The following ULK4 variants were observed in gnomAD, a reference collection of about 807,000 sequenced individuals.
ULK4 encodes the protein inactive serine/threonine-protein kinase ULK4.
Under a neutral mutation model 160.6 loss-of-function variants are expected in ULK4, and 133 were observed. That is an observed-to-expected ratio of 0.83 (90% CI 0.72 to 0.96). ULK4 has a LOEUF of 0.96. Among genes scored for constraint, ULK4 ranks in the 40% least tolerant of loss-of-function variants. The pLI, the probability that ULK4 is intolerant of heterozygous loss-of-function variation, is 0.00. For missense variants in ULK4, 1,580 were observed against 1,499.5 expected (o/e 1.05, Z -0.89); for synonymous variants, 534 against 539.8 (o/e 0.99, Z 0.15).
intron 21 of ULK4, among the ~76,000 whole-genome samples, chr3:41,767,873 T>C (rs749394735): frequency 6.6e-6 from 1 of 152,098 alleles, no homozygotes; most frequent in Non-Finnish European, 1.5e-5. Context: ...GATGAACAAA[T>C]GAGCTTATGT....
At chr3:41,865,046 TG>T (rs1335656353) in intron 17 of ULK4, among the ~76,000 whole-genome samples, 1 of 151,662 alleles carries the variant, frequency 6.6e-6, no homozygotes, top group African/African-American at 2.4e-5. Flanking sequence ...CCAAGGTGGG[TG>T]GATCACTTGA....
intron 34 of ULK4, among the ~76,000 whole-genome samples, chr3:41,418,360 T>C (rs1328190667): frequency 6.6e-6 from 1 of 150,814 alleles, no homozygotes; most frequent in African/African-American, 2.5e-5. Flanking sequence ...GGGGCACGTT[T>C]CTAAGCTACA....
chr3:41,707,345 A>G (rs1273810349), intron 25 of ULK4, among the ~76,000 whole-genome samples: 1 of 152,192 alleles, frequency 6.6e-6, no homozygotes, highest in Non-Finnish European at 1.5e-5. Context: ...CACACAAGCA[A>G]CAAAAGCAAA....
chr3:41,701,694 T>A (rs2036680141), intron 27 of ULK4, among the ~76,000 whole-genome samples: 2 of 152,176 alleles, frequency 1.3e-5, no homozygotes, highest in South Asian at 4.1e-4. Flanking sequence ...AAAGTAGTGA[T>A]AGTAAAGTCT....
chr3:41,788,270 A>G (rs1249602975), intron 21 of ULK4, among the ~76,000 whole-genome samples: 1 of 152,240 alleles, frequency 6.6e-6, no homozygotes, highest in East Asian at 1.9e-4. Flanking sequence ...TATAAAAACC[A>G]AAATTTAATG....
intron 35 of ULK4, among the ~76,000 whole-genome samples, chr3:41,392,141 T>C (rs1218117585): frequency 6.6e-6 from 1 of 152,056 alleles, no homozygotes; most frequent in Non-Finnish European, 1.5e-5. Context: ...TGATATCCAG[T>C]TTAAGGGAAA....
At chr3:41,639,651 C>G (rs1159079099) in intron 30 of ULK4, among the ~76,000 whole-genome samples, 1 of 152,134 alleles carries the variant, frequency 6.6e-6, no homozygotes, top group Admixed American at 6.6e-5. Flanking sequence ...TCACTTAAAC[C>G]TGGGAGGCGG....
At chr3:41,799,843 A>C (rs771911744) in intron 20 of ULK4, among the ~76,000 whole-genome samples, 5 of 152,172 alleles carry the variant, frequency 3.3e-5, no homozygotes, top group Non-Finnish European at 5.9e-5. Flanking sequence ...AGCCTGGATG[A>C]CAGAGGGACA....
chr3:41,895,016 A>G lies in ULK4; in HGVS notation c.1577+502T>C, dbSNP rs900522749. Among the ~76,000 whole-genome samples the G allele has an allele frequency of 3.3e-5, 5 of 152,344 alleles. No individual in the cohort carries two copies. In the East Asian group the frequency reaches 9.6e-4, roughly 29 times the overall value. Reference sequence around the variant, plus strand: ...AACATCTAGGGAAGCTATGTGCTACATGAGGGAAAGATAAGGGTGGCCAAG... The same window carrying G: ...AACATCTAGGGAAGCTATGTGCTACGTGAGGGAAAGATAAGGGTGGCCAAG... On this transcript the variant is annotated intron_variant, in intron 16 of 36. Transcript: ENST00000301831.
chr3:41,494,315 C>T (rs879262368), intron 32 of ULK4, among the ~76,000 whole-genome samples: 3 of 113,476 alleles, frequency 2.6e-5, no homozygotes, highest in Admixed American at 1.0e-4. Context: ...ATAAACAGAA[C>T]CAAAGACAAA....
At chr3:41,247,481 A>G (rs1479303604) in intron 36 of ULK4, among the ~76,000 whole-genome samples, 1 of 152,216 alleles carries the variant, frequency 6.6e-6, no homozygotes, top group Admixed American at 6.5e-5. Flanking sequence ...ATTGTTTGAG[A>G]CACATTTAAA....
chr3:41,368,620 A>G (rs1186635004), intron 35 of ULK4, among the ~76,000 whole-genome samples: 1 of 152,194 alleles, frequency 6.6e-6, no homozygotes, highest in Non-Finnish European at 1.5e-5. Flanking sequence ...GGTATTTTAC[A>G]TAAATGTAAT....
Position 41,705,755 on chromosome 3 carries a change from A to C in ULK4, c.2635-450T>G, listed in dbSNP as rs142178941. Among the ~76,000 whole-genome samples, 867 of 152,286 alleles carry C rather than the reference A, an allele frequency of 5.7e-3. 8 individuals are homozygous for C. The highest frequency in any genetic ancestry group is 0.02 in the African/African-American group (835 of 41,560). On this transcript the variant is annotated intron_variant, in intron 25 of 36. Transcript: ENST00000301831. ...GGTGGTCCACCTGCCTCGGCCTCCCAAAGAATCATTTTTAAATATACAAAT... is the reference window on the plus strand; with the variant it reads ...GGTGGTCCACCTGCCTCGGCCTCCCCAAGAATCATTTTTAAATATACAAAT...
chr3:41,609,184 T>C (rs1464869159), intron 31 of ULK4, among the ~76,000 whole-genome samples: 2 of 152,198 alleles, frequency 1.3e-5, no homozygotes, highest in Non-Finnish European at 1.5e-5. Context: ...TTTAACTCAA[T>C]AAAATTTCTC....
intron 30 of ULK4, among the ~76,000 whole-genome samples, chr3:41,633,839 A>T (rs1047990487): frequency 2.0e-5 from 3 of 152,176 alleles, no homozygotes; most frequent in African/African-American, 7.2e-5. Context: ...GGAGGCCACT[A>T]CCATGACCAC....
chr3:41,371,959 T>C (rs1032500844), intron 35 of ULK4, among the ~76,000 whole-genome samples: 7 of 151,798 alleles, frequency 4.6e-5, no homozygotes, highest in Non-Finnish European at 7.4e-5. Flanking sequence ...AATGACCTGA[T>C]GGAGCTGAAT....
chr3:41,893,955 T>G (rs370013282), intron 16 of ULK4, among the ~76,000 whole-genome samples: 10 of 152,292 alleles, frequency 6.6e-5, no homozygotes, highest in South Asian at 6.2e-4. Flanking sequence ...TGGCTTTGAA[T>G]GGAGAAAGAA....
intron 32 of ULK4, among the ~76,000 whole-genome samples, chr3:41,497,005 T>C (rs1006232950): frequency 1.3e-5 from 2 of 148,426 alleles, no homozygotes; most frequent in African/African-American, 2.5e-5. Context: ...AAAATTATTA[T>C]GTATGCAAAG....
At chr3:41,862,789 TC>T (rs35116227) in intron 17 of ULK4, among the ~76,000 whole-genome samples, 47,141 of 132,982 alleles carry the variant, frequency 0.35, 11,145 homozygotes, top group African/African-American at 0.68. Context: ...CTCTCTCCGC[TC>T]CCCCCCCCCT....
Sources: gnomAD v4.1 joint callset for allele counts (sites outside exome capture counted in the v4.1 genomes callset) on GRCh38, gnomAD v4.1.1 for gene constraint, MANE v1.5 for transcripts, NCBI Gene and HGNC (gene_info 2026-07-23, HGNC 2026-07-21) for gene names.